The following TBC1D22A variants were observed in gnomAD, a reference collection of about 807,000 sequenced individuals.
The protein encoded by TBC1D22A is TBC1 domain family member 22A.
A neutral mutation model predicts 60.2 loss-of-function variants in TBC1D22A; 38 were observed. The ratio of observed to expected loss-of-function variants is 0.63; its 90% CI spans 0.49 to 0.83. TBC1D22A has a LOEUF of 0.83. Ranked by LOEUF, TBC1D22A falls within the 40% of genes least tolerant of loss-of-function variation. The pLI, the probability that TBC1D22A is intolerant of heterozygous loss-of-function variation, is 0.00. For missense variants in TBC1D22A, 628 were observed against 701.0 expected (o/e 0.90, Z 1.18); for synonymous variants, 302 against 281.7 (o/e 1.07, Z -0.72).
In TBC1D22A at chr22:47,089,122, C is replaced by T. The variant is rs572628061; in HGVS notation, c.1330-22386C>T. Among the ~76,000 whole-genome samples the T allele has an allele frequency of 9.9e-5, 15 of 152,248 alleles. No homozygotes were observed. In the South Asian group the frequency reaches 3.1e-3, roughly 32 times the overall value. ...TTAAATGAGTAAGAGAGTTGGCTCT[C>T]AGATGCATTGTGTATGTGTCATTTG... On this transcript the variant is annotated intron_variant, in intron 11 of 12. Transcript: ENST00000337137.
chr22:46,906,116 C>CTTGGT (rs2069447453), intron 7 of TBC1D22A, among the ~76,000 whole-genome samples: 2 of 151,964 alleles, frequency 1.3e-5, no homozygotes, highest in South Asian at 4.1e-4. Flanking sequence ...TGGTTCTTGG[C>CTTGGT]TTGCCCTCAG....
intron 4 of TBC1D22A, among the ~76,000 whole-genome samples, chr22:46,811,905 T>G (rs1360552614): frequency 4.6e-5 from 7 of 152,052 alleles, no homozygotes; most frequent in African/African-American, 7.2e-5. Flanking sequence ...GGTGCTGAGA[T>G]CCCGTGCTCA....
At chr22:46,941,656 A>G (rs1412003419) in intron 8 of TBC1D22A, among the ~76,000 whole-genome samples, 4 of 75,820 alleles carry the variant, frequency 5.3e-5, no homozygotes, top group South Asian at 3.4e-4. Flanking sequence ...TATACGGAAT[A>G]TATATACGCG....
intron 11 of TBC1D22A, among the ~76,000 whole-genome samples, chr22:47,050,121 C>T (rs571272260): frequency 3.0e-4 from 46 of 152,316 alleles, no homozygotes; most frequent in African/African-American, 9.6e-4. Context: ...TCTCCTGCCT[C>T]TGCCTCCCAA....
At chr22:47,026,616 G>C (rs1042818987) in intron 10 of TBC1D22A, among the ~76,000 whole-genome samples, 3 of 152,096 alleles carry the variant, frequency 2.0e-5, no homozygotes, top group African/African-American at 7.2e-5. Flanking sequence ...TTAACAGTGA[G>C]AAATGAGAAA....
At chr22:46,813,826 C>T (rs532437066) in intron 4 of TBC1D22A, among the ~76,000 whole-genome samples, 15 of 152,334 alleles carry the variant, frequency 9.8e-5, no homozygotes, top group Non-Finnish European at 1.9e-4. Context: ...CTCCTCAGCC[C>T]AGGACTGGGG....
intron 1 of TBC1D22A, chr22:46,788,833 A>T (rs772313507): frequency 6.6e-6 from 1 of 151,860 alleles, no homozygotes; most frequent in Non-Finnish European, 1.5e-5. Context: ...GTCATAACAA[A>T]CCCTTCAAGG....
intron 12 of TBC1D22A, among the ~76,000 whole-genome samples, chr22:47,165,182 C>T (rs1381991692): frequency 6.6e-6 from 1 of 152,100 alleles, no homozygotes; most frequent in Admixed American, 6.5e-5. Context: ...CTCGTGATTG[C>T]CAGGGCCCTG....
intron 1 of TBC1D22A, among the ~76,000 whole-genome samples, chr22:46,786,038 C>T (rs148460811): frequency 6.6e-6 from 1 of 152,168 alleles, no homozygotes; most frequent in Admixed American, 6.5e-5. Flanking sequence ...CCACCTTGGC[C>T]TCCCAAAGTG....
intron 11 of TBC1D22A, among the ~76,000 whole-genome samples, chr22:47,105,262 C>CTCCTCTT (rs2065591650): frequency 6.6e-6 from 1 of 152,066 alleles, no homozygotes; most frequent in South Asian, 2.1e-4. Context: ...AGGGCAGAGC[C>CTCCTCTT]TCCTCTTTCC....
At chr22:46,855,343 G>A (rs2087514415) in intron 4 of TBC1D22A, among the ~76,000 whole-genome samples, 1 of 152,202 alleles carries the variant, frequency 6.6e-6, no homozygotes, top group Non-Finnish European at 1.5e-5. Flanking sequence ...GACAGGTGGA[G>A]GGTTTTGTAT....
intron 10 of TBC1D22A, among the ~76,000 whole-genome samples, chr22:47,016,939 A>C (rs985480015): frequency 3.3e-5 from 5 of 152,142 alleles, no homozygotes; most frequent in Non-Finnish European, 7.4e-5. Flanking sequence ...GGTTTGACGC[A>C]CCTGTCCCAG....
intron 11 of TBC1D22A, among the ~76,000 whole-genome samples, chr22:47,105,173 T>C (rs1353180669): frequency 1.3e-5 from 2 of 151,724 alleles, no homozygotes; most frequent in African/African-American, 4.8e-5. Context: ...AAAACCTAGC[T>C]CATCAAACCT....
At chr22:46,918,470 G>A (rs1316174244) in intron 8 of TBC1D22A, among the ~76,000 whole-genome samples, 1 of 152,212 alleles carries the variant, frequency 6.6e-6, no homozygotes, top group Non-Finnish European at 1.5e-5. Context: ...CATGCAGGCT[G>A]CCAGACCAGT....
rs962213586 is a variant in TBC1D22A at position 46,918,777 on chromosome 22, G to C, written c.1015+6589G>C. Among the ~76,000 whole-genome samples the C allele has an allele frequency of 3.3e-5, 5 of 152,280 alleles. No individual in the cohort carries two copies. In the East Asian group the frequency reaches 9.6e-4, roughly 29 times the overall value. ...TGGGGGCCTGAATGTTTCTGTGCTT[G>C]GGGAAGATTGCACTCAGTGGACCAC... On this transcript the variant is annotated intron_variant, in intron 8 of 12. Transcript: ENST00000337137.
intron 11 of TBC1D22A, among the ~76,000 whole-genome samples, chr22:47,075,891 A>C (rs1222731136): frequency 6.6e-6 from 1 of 152,172 alleles, no homozygotes; most frequent in East Asian, 1.9e-4. Context: ...AGAAAGTTGC[A>C]ATAGCTACAC....
intron 7 of TBC1D22A, among the ~76,000 whole-genome samples, chr22:46,909,004 A>G (rs2069697098): frequency 1.3e-5 from 2 of 152,142 alleles, no homozygotes; most frequent in Admixed American, 1.3e-4. Flanking sequence ...CCCCTGCAGC[A>G]GCCTGTTTCA....
chr22:47,085,012 G>T (rs1387663487), intron 11 of TBC1D22A, among the ~76,000 whole-genome samples: 1 of 152,214 alleles, frequency 6.6e-6, no homozygotes, highest in African/African-American at 2.4e-5. Flanking sequence ...AGGCATGGTG[G>T]CTCACACCTG....
At chr22:46,763,318 A>C (rs914956012) in intron 1 of TBC1D22A, 2 of 151,736 alleles carry the variant, frequency 1.3e-5, no homozygotes, top group African/African-American at 5.0e-5. Context: ...ATAGAAGAGG[A>C]CTAGAGTTTC....
Sources: allele counts gnomAD v4.1 joint callset (sites outside exome capture counted in the v4.1 genomes callset), GRCh38; gene constraint gnomAD v4.1.1; transcripts MANE v1.5; gene names NCBI Gene and HGNC (gene_info 2026-07-23, HGNC 2026-07-21).